Variants in MARK2 observed in about 807,000 individuals in gnomAD.
MARK2 encodes microtubule affinity regulating kinase 2, also known as serine/threonine-protein kinase MARK2.
In MARK2, 16 loss-of-function variants were observed where a neutral mutation model predicts 89.8. The observed-to-expected ratio is 0.18, with a 90% CI of 0.12 to 0.27. MARK2 has a LOEUF of 0.27. Ranked by LOEUF, MARK2 falls within the 10% of genes least tolerant of loss-of-function variation. MARK2 has a pLI of 1.00. For missense variants in MARK2, 621 were observed against 1,049.9 expected (o/e 0.59, Z 5.65); for synonymous variants, 382 against 399.5 (o/e 0.96, Z 0.52).
rs147166842 is a variant in MARK2 at position 63,886,322 on chromosome 11, C to G, written c.55-8837C>G. ...TTGAATTTGGAGAGAGAGGGTCTCA[C>G]TCTGTTGCCCAGGCTTGTCTCGAAT... On this transcript the variant is annotated intron_variant, in intron 1 of 18. Coordinates refer to ENST00000402010, the MANE Select transcript of MARK2 (RefSeq NM_001039469.3). Among the ~76,000 whole-genome samples, 289 of 152,262 alleles carry G rather than the reference C, an allele frequency of 1.9e-3. 2 individuals carry two copies. Among genetic ancestry groups the G allele is most frequent in the African/African-American group, 6.5e-3 (269 of 41,560 alleles).
chr11:63,885,554 G>A (rs1044149158), intron 1 of MARK2, among the ~76,000 whole-genome samples: 5 of 151,844 alleles, frequency 3.3e-5, no homozygotes, highest in African/African-American at 1.2e-4. Context: ...AAAAAGAGAG[G>A]CTGGGCGTAG....
intron 11 of MARK2, 91 bp downstream of exon 11, chr11:63,901,160 C>T: frequency 1.2e-6 from 1 of 837,588 alleles, no homozygotes; most frequent in South Asian, 1.4e-5. Context: ...AGAAGCTCAT[C>T]TCTGAGTAGG....
At chr11:63,870,095 G>A (rs991804658) in intron 1 of MARK2, among the ~76,000 whole-genome samples, 3 of 152,220 alleles carry the variant, frequency 2.0e-5, no homozygotes, top group African/African-American at 7.2e-5. Context: ...GCTGGCTGCA[G>A]CCCTCAACGG....
intron 1 of MARK2, among the ~76,000 whole-genome samples, chr11:63,887,118 C>T (rs1202313400): frequency 6.6e-6 from 1 of 152,196 alleles, no homozygotes; most frequent in Non-Finnish European, 1.5e-5. Flanking sequence ...CCCAGTGTCC[C>T]GAGCACCTTC....
chr11:63,857,058 G>T (rs951593726), intron 1 of MARK2, among the ~76,000 whole-genome samples: 1 of 151,190 alleles, frequency 6.6e-6, no homozygotes, highest in Non-Finnish European at 1.5e-5. Context: ...TGATCCGCCC[G>T]CCTCGGCCTC....
intron 1 of MARK2, among the ~76,000 whole-genome samples, chr11:63,847,292 A>C (rs73492282): frequency 0.017 from 2,582 of 152,294 alleles, 64 homozygotes; most frequent in African/African-American, 0.057. Context: ...CATTAATTTT[A>C]GGCTTATAAA....
chr11:63,875,517 G>A (rs12294649), intron 1 of MARK2, among the ~76,000 whole-genome samples: 68 of 152,298 alleles, frequency 4.5e-4, no homozygotes, highest in African/African-American at 1.5e-3. Context: ...CTCCCAAAGT[G>A]CTGGGATTAC....
chr11:63,895,748 C>G (rs1337004904), intron 3 of MARK2, 115 bp downstream of exon 3: 2 of 907,506 alleles, frequency 2.2e-6, no homozygotes, highest in African/African-American at 3.6e-5. Context: ...CGGCTCACTG[C>G]AACCTCCGCC....
intron 1 of MARK2, among the ~76,000 whole-genome samples, chr11:63,881,398 A>T (rs531871939): frequency 6.6e-6 from 1 of 152,200 alleles, no homozygotes; most frequent in Non-Finnish European, 1.5e-5. Context: ...GAATGCCTCG[A>T]AAGAGGGGAA....
chr11:63,908,380 CT>C, intron 18 of MARK2, 76 bp downstream of exon 18: 2 of 1,256,594 alleles, frequency 1.6e-6, no homozygotes, highest in Non-Finnish European at 2.3e-6. Context: ...TCTCTTCCTT[CT>C]GCCACTTGGC....
chr11:63,867,201 C>T (rs541197240), intron 1 of MARK2, among the ~76,000 whole-genome samples: 17 of 152,250 alleles, frequency 1.1e-4, no homozygotes, highest in Admixed American at 4.6e-4. Context: ...AAATGTTTTG[C>T]GTTTTTTGTA....
rs1940855048 is a variant in MARK2 at position 63,901,422 on chromosome 11, G to GTGTGTGTGTGTGTGTGT, written c.1101+353_1101+354insTGTGTGTGTGTGTGTGT. Among the ~76,000 whole-genome samples the GTGTGTGTGTGTGTGTGT allele has an allele frequency of 2.6e-3, 365 of 139,690 alleles. 2 individuals carry two copies. Among genetic ancestry groups the GTGTGTGTGTGTGTGTGT allele is most frequent in the African/African-American group, 9.7e-3 (358 of 36,794 alleles). 91.6% of individuals were successfully genotyped at this position (139,690 alleles called of 152,430 possible). On this transcript the variant is annotated intron_variant, in intron 11 of 18. Transcript: ENST00000402010. ...TTGTATCTGGAAGTGTACATTTCTG[G>GTGTGTGTGTGTGTGTGT]GTGTGTGTGTGTGTCTCTGTGTGTG...
chr11:63,893,089 T>A (rs908758860), intron 1 of MARK2, among the ~76,000 whole-genome samples: 4 of 151,532 alleles, frequency 2.6e-5, no homozygotes, highest in South Asian at 2.1e-4. Context: ...ATTTTTTGTA[T>A]TTTTAGTAGA....
intron 3 of MARK2, among the ~76,000 whole-genome samples, chr11:63,895,857 A>T (rs1940351775): frequency 4.0e-5 from 6 of 151,700 alleles, no homozygotes. Context: ...TTTAGTAGAG[A>T]TGGGGTTTCA....
chr11:63,850,442 C>T (rs1436925305), intron 1 of MARK2, among the ~76,000 whole-genome samples: 3 of 148,972 alleles, frequency 2.0e-5, no homozygotes, highest in Non-Finnish European at 4.4e-5. Flanking sequence ...GCTGGGATTA[C>T]AGGCGTGAGC....
chr11:63,866,351 C>CAAAAA (rs57664174), intron 1 of MARK2, among the ~76,000 whole-genome samples: 8 of 86,088 alleles, frequency 9.3e-5, no homozygotes, highest in Admixed American at 1.4e-4. Flanking sequence ...GACTCAGTCT[C>CAAAAA]AAAAAAAAAA....
At chr11:63,888,253 G>C (rs1209305465) in intron 1 of MARK2, among the ~76,000 whole-genome samples, 1 of 152,156 alleles carries the variant, frequency 6.6e-6, no homozygotes, top group Admixed American at 6.5e-5. Context: ...TTGAGGGGGT[G>C]GTTTGCTGGT....
In MARK2 at chr11:63,878,362, T is replaced by C. The variant is rs1433313499; in HGVS notation, c.55-16797T>C. ...TTTGAAGCTCTCTTGTTCAAGTCTT[T>C]TTTTTTTTTTTTTTTTTTTTTTGAG... On this transcript the variant is annotated intron_variant, in intron 1 of 18. Transcript: ENST00000402010. Among the ~76,000 whole-genome samples the C allele has an allele frequency of 9.6e-4, 42 of 43,970 alleles. No individual in the cohort carries two copies. The East Asian group carries it at 0.14, about 147-fold the overall frequency. 28.8% of individuals were successfully genotyped at this position (43,970 alleles called of 152,430 possible).
chr11:63,889,002 C>G, intron 1 of MARK2: 1 of 1,326,362 alleles, frequency 7.5e-7, no homozygotes, highest in Non-Finnish European at 1.0e-6. Flanking sequence ...ATTGCCTCCT[C>G]CTCTTTCTTT....
Sources: gnomAD v4.1 joint callset for allele counts (sites outside exome capture counted in the v4.1 genomes callset) on GRCh38, gnomAD v4.1.1 for gene constraint, MANE v1.5 for transcripts, NCBI Gene and HGNC (gene_info 2026-07-23, HGNC 2026-07-21) for gene names.